SNX29: variants seen among roughly 807,000 people sequenced by gnomAD.
The protein encoded by SNX29 is sorting nexin 29, also known as sorting nexin-29.
SNX29 carries 78 observed loss-of-function variants against 102.1 expected under a neutral mutation model. That is an observed-to-expected ratio of 0.76 (90% CI 0.64 to 0.92). The LOEUF is 0.92. SNX29 is among the 40% of genes least tolerant of loss of function. The pLI, the probability that SNX29 is intolerant of heterozygous loss-of-function variation, is 0.00. For missense variants in SNX29, 1,280 were observed against 1,061.7 expected, an observed-to-expected ratio of 1.21 and a Z score of -2.86; for synonymous variants, 580 against 414.5, an observed-to-expected ratio of 1.40 and a Z score of -4.85.
At chr16:12,309,217 A>G (rs1461092715) in intron 15 of SNX29, among the ~76,000 whole-genome samples, 1 of 152,154 alleles carries the variant, frequency 6.6e-6, no homozygotes, top group Non-Finnish European at 1.5e-5. Context: ...GTTCAGGACA[A>G]ACAGCCTTTG....
rs990256296 is a variant in SNX29 at position 12,572,844 on chromosome 16, C to T, written c.*4215C>T. The stretch of plus-strand genomic sequence containing the variant: ...CATCCCAGAAGGGGCAGCCTCATGC[C>T]CAGGTTTCAGCCCTAAAGGTAATGA... On this transcript the variant is annotated 3_prime_UTR_variant, in exon 21 of 21. Transcript: ENST00000566228. 2.8e-6 allele frequency: 3 copies of T among 1,063,776 alleles called. No homozygotes were observed. The highest frequency in any genetic ancestry group is 3.3e-5 in the African/African-American group (2 of 60,984). 65.9% of individuals were successfully genotyped at this position (1,063,776 alleles called of 1,614,324 possible). A position where few individuals can be genotyped will look rare whatever the true frequency, so the allele number is the denominator to read the frequency against.
At chr16:12,046,845 C>A (rs1372598781) in intron 6 of SNX29, among the ~76,000 whole-genome samples, 2 of 152,192 alleles carry the variant, frequency 1.3e-5, no homozygotes, top group Admixed American at 6.5e-5. Flanking sequence ...TCTCGAAATC[C>A]TGGGCTCAAG....
In SNX29 at chr16:12,564,338, C is replaced by T. The variant is rs150700971; in HGVS notation, c.2319-4168C>T. Among the ~76,000 whole-genome samples, 256 of 152,306 alleles carry T rather than the reference C, an allele frequency of 1.7e-3. 4 individuals carry two copies. The highest frequency in any genetic ancestry group is 5.9e-3 in the African/African-American group (246 of 41,570). ...CTAGTGTCTCTTACCTTATTTCAGT[C>T]ATTTCAGGATGTCAAAGGAGCCAAA... On this transcript the variant is annotated intron_variant, in intron 20 of 20. Transcript: ENST00000566228.
intron 3 of SNX29, among the ~76,000 whole-genome samples, chr16:12,019,907 G>C (rs941722553): frequency 2.6e-5 from 4 of 152,114 alleles, no homozygotes; most frequent in Admixed American, 2.0e-4. Context: ...AAAGCACTGG[G>C]ATTACAGGCA....
At chr16:12,560,482 C>G (rs908610984) in intron 20 of SNX29, among the ~76,000 whole-genome samples, 1 of 152,164 alleles carries the variant, frequency 6.6e-6, no homozygotes, top group Non-Finnish European at 1.5e-5. Flanking sequence ...TCACACTTAC[C>G]TCCTGCTTTT....
At chr16:11,984,449 T>C (rs2055523966) in intron 1 of SNX29, among the ~76,000 whole-genome samples, 1 of 152,112 alleles carries the variant, frequency 6.6e-6, no homozygotes, top group Non-Finnish European at 1.5e-5. Context: ...CTTTGCATCT[T>C]GCTTTCACCA....
intron 19 of SNX29, among the ~76,000 whole-genome samples, chr16:12,523,381 C>T (rs1362683815): frequency 6.6e-6 from 1 of 152,230 alleles, no homozygotes; most frequent in Non-Finnish European, 1.5e-5. Flanking sequence ...TCCTCCACTG[C>T]CTTCTCTCAG....
Position 12,570,269 on chromosome 16 carries a change from CGGACCCTGCAGTCAGTTTGCGAGTGT to C in SNX29, c.*1644_*1669del, listed in dbSNP as rs1779930464. 1 of 1,064,474 alleles carries C rather than the reference CGGACCCTGCAGTCAGTTTGCGAGTGT, an allele frequency of 9.4e-7. No individual in the cohort carries two copies. Among genetic ancestry groups the C allele is most frequent in the Non-Finnish European group, 1.1e-6 (1 of 878,776 alleles). The allele number at this position is 1,064,474 out of a possible 1,614,324, so 65.9% of individuals were successfully genotyped here. On this transcript the variant is annotated 3_prime_UTR_variant, in exon 21 of 21. Transcript: ENST00000566228. ...ATGAGCTGGAGCATGTATGGAGGTG[CGGACCCTGCAGTCAGTTTGCGAGTGT>C]GGAGGACCCGAGACATCCTGTAAAG...
intron 11 of SNX29, among the ~76,000 whole-genome samples, chr16:12,085,008 T>C (rs1413573161): frequency 2.0e-5 from 3 of 151,956 alleles, no homozygotes; most frequent in Non-Finnish European, 4.4e-5. Context: ...AGGTCAAGGC[T>C]GCAGTGAGTT....
intron 15 of SNX29, among the ~76,000 whole-genome samples, chr16:12,352,513 TA>T (rs112646643): frequency 0.017 from 2,569 of 148,492 alleles, 59 homozygotes; most frequent in African/African-American, 0.058. Context: ...ACTTAAAGTA[TA>T]AAAAAAAAAA....
intron 13 of SNX29, among the ~76,000 whole-genome samples, chr16:12,197,019 G>A (rs2076792754): frequency 6.6e-6 from 1 of 152,236 alleles, no homozygotes; most frequent in African/African-American, 2.4e-5. Context: ...TGGCCACAGA[G>A]TTGGAGATGA....
chr16:12,292,414 C>G (rs976478205), intron 15 of SNX29, among the ~76,000 whole-genome samples: 1 of 152,144 alleles, frequency 6.6e-6, no homozygotes, highest in African/African-American at 2.4e-5. Flanking sequence ...TGTCTTGATT[C>G]TCCCTAACAC....
chr16:11,997,363 C>T (rs1357335351), intron 1 of SNX29, among the ~76,000 whole-genome samples: 1 of 152,196 alleles, frequency 6.6e-6, no homozygotes, highest in African/African-American at 2.4e-5. Flanking sequence ...GAGAGGCCCT[C>T]AGTGGCTGCC....
chr16:12,363,295 G>GT (rs1444807019), intron 16 of SNX29, among the ~76,000 whole-genome samples: 3 of 152,004 alleles, frequency 2.0e-5, no homozygotes, highest in Admixed American at 6.6e-5. Context: ...GTCGTCTTTT[G>GT]TTTTTTTCTC....
At chr16:12,515,174 C>G (rs913780805) in intron 19 of SNX29, among the ~76,000 whole-genome samples, 2 of 152,140 alleles carry the variant, frequency 1.3e-5, no homozygotes, top group Admixed American at 6.5e-5. Flanking sequence ...TGTCCTCATT[C>G]TCCCCTATGG....
chr16:12,541,514 A>C (rs550571703), intron 20 of SNX29, among the ~76,000 whole-genome samples: 3 of 152,154 alleles, frequency 2.0e-5, no homozygotes, highest in African/African-American at 7.2e-5. Flanking sequence ...GTCCCAAGTC[A>C]TAACCATTTC....
rs61538395 is a variant in SNX29 at position 12,442,602 on chromosome 16, T to TG, written c.2038-35116dup. Among the ~76,000 whole-genome samples, 31 of 151,834 alleles carry TG rather than the reference T, an allele frequency of 2.0e-4. No homozygotes were observed. The East Asian group carries it at 4.4e-3, about 22-fold the overall frequency. ...GTGTGTTTTTTTGTTTTTTTTTTTT[T>TG]GATATAGGGTCTCAGGCTGTCACCC... On this transcript the variant is annotated intron_variant, in intron 18 of 20. Coordinates refer to ENST00000566228, the MANE Select transcript of SNX29 (RefSeq NM_032167.5).
chr16:12,174,521 G>T (rs903547814), intron 13 of SNX29, among the ~76,000 whole-genome samples: 2 of 152,186 alleles, frequency 1.3e-5, no homozygotes, highest in African/African-American at 4.8e-5. Flanking sequence ...TTTATCATGG[G>T]ATTTTGGCCA....
At chr16:12,235,805 GTGTGTA>G (rs906240514) in intron 14 of SNX29, among the ~76,000 whole-genome samples, 23 of 151,910 alleles carry the variant, frequency 1.5e-4, no homozygotes, top group African/African-American at 3.1e-4. Context: ...GTGTGTGTGT[GTGTGTA>G]TGTGTATGTG....
Sources: allele counts gnomAD v4.1 joint callset (sites outside exome capture counted in the v4.1 genomes callset), GRCh38; gene constraint gnomAD v4.1.1; transcripts MANE v1.5; gene names NCBI Gene and HGNC (gene_info 2026-07-23, HGNC 2026-07-21).